GALNTL6: variants seen among roughly 807,000 people sequenced by gnomAD.
The protein encoded by GALNTL6 is polypeptide N-acetylgalactosaminyltransferase like 6, also known as polypeptide N-acetylgalactosaminyltransferase-like 6.
Under a neutral mutation model 73.7 loss-of-function variants are expected in GALNTL6, and 46 were observed. That is an observed-to-expected ratio of 0.62 (90% CI 0.49 to 0.80). GALNTL6 has a LOEUF of 0.80. Ranked by LOEUF, GALNTL6 falls within the 30% of genes least tolerant of loss-of-function variation. GALNTL6 has a pLI of 0.00. For synonymous variants in GALNTL6, 259 were observed against 263.7 expected (o/e 0.98, Z 0.17); for missense variants, 604 against 755.0 (o/e 0.80, Z 2.34).
At chr4:172,517,260 T>A (rs895243319) in intron 5 of GALNTL6, among the ~76,000 whole-genome samples, 5 of 152,182 alleles carry the variant, frequency 3.3e-5, no homozygotes, top group African/African-American at 7.2e-5. Flanking sequence ...CTGAAACCTA[T>A]TTCTGATGGC....
chr4:172,687,108 A>G (rs1268487865), intron 5 of GALNTL6, among the ~76,000 whole-genome samples: 2 of 152,178 alleles, frequency 1.3e-5, no homozygotes, highest in African/African-American at 2.4e-5. Flanking sequence ...TTCCAACTCA[A>G]TACATAAATG....
intron 5 of GALNTL6, among the ~76,000 whole-genome samples, chr4:172,451,775 G>A (rs1398081611): frequency 6.6e-6 from 1 of 152,150 alleles, no homozygotes. Flanking sequence ...GGAGGCCAAG[G>A]CTGGAGAATT....
chr4:172,827,655 C>G (rs1405078952), intron 7 of GALNTL6, among the ~76,000 whole-genome samples: 1 of 152,058 alleles, frequency 6.6e-6, no homozygotes, highest in Non-Finnish European at 1.5e-5. Context: ...AATCATTGCT[C>G]TTGCAAATGA....
intron 2 of GALNTL6, among the ~76,000 whole-genome samples, chr4:171,958,383 G>A (rs1398284194): frequency 6.6e-6 from 1 of 152,076 alleles, no homozygotes; most frequent in African/African-American, 2.4e-5. Context: ...CTAAGCTAAT[G>A]CTTTCAGGGT....
intron 7 of GALNTL6, among the ~76,000 whole-genome samples, chr4:172,877,749 A>C (rs1745265433): frequency 6.6e-6 from 1 of 151,942 alleles, no homozygotes; most frequent in Non-Finnish European, 1.5e-5. Context: ...ATCTTCAGTA[A>C]GAACCTGTTG....
At chr4:171,945,913 G>C (rs1738689758) in intron 2 of GALNTL6, among the ~76,000 whole-genome samples, 1 of 152,014 alleles carries the variant, frequency 6.6e-6, no homozygotes, top group African/African-American at 2.4e-5. Flanking sequence ...TATGAATCTT[G>C]AGGCAATCCC....
chr4:172,516,107 A>G (rs1049878548), intron 5 of GALNTL6, among the ~76,000 whole-genome samples: 1 of 152,240 alleles, frequency 6.6e-6, no homozygotes, highest in Non-Finnish European at 1.5e-5. Context: ...CTGGTAGCAC[A>G]TAATAGATTT....
intron 2 of GALNTL6, among the ~76,000 whole-genome samples, chr4:172,058,168 C>G (rs1731087380): frequency 1.1e-5 from 1 of 94,006 alleles, no homozygotes; most frequent in South Asian, 4.0e-4. Context: ...AGACCAGTGC[C>G]CAAGCTGGTC....
At chr4:172,220,342 C>T (rs1435574172) in intron 2 of GALNTL6, among the ~76,000 whole-genome samples, 24 of 151,696 alleles carry the variant, frequency 1.6e-4, no homozygotes, top group Admixed American at 1.6e-3. Flanking sequence ...CTCAGAACTG[C>T]TATTTCTTTT....
intron 2 of GALNTL6, among the ~76,000 whole-genome samples, chr4:172,026,079 A>C (rs13152598): frequency 6.6e-6 from 1 of 151,962 alleles, no homozygotes; most frequent in Non-Finnish European, 1.5e-5. Context: ...TAAAAGCAAT[A>C]TTCAAAATTA....
intron 10 of GALNTL6, among the ~76,000 whole-genome samples, chr4:172,980,057 C>G (rs1750999287): frequency 6.6e-6 from 1 of 152,186 alleles, no homozygotes; most frequent in Non-Finnish European, 1.5e-5. Flanking sequence ...AGAGTCAGCT[C>G]TAAATATACT....
chr4:171,910,651 A>G (rs1737450675), intron 2 of GALNTL6, among the ~76,000 whole-genome samples: 1 of 152,130 alleles, frequency 6.6e-6, no homozygotes, highest in Non-Finnish European at 1.5e-5. Flanking sequence ...TCGCCATTTT[A>G]TAGATTTTGA....
At chr4:172,088,082 C>T (rs1732101032) in intron 2 of GALNTL6, among the ~76,000 whole-genome samples, 1 of 152,032 alleles carries the variant, frequency 6.6e-6, no homozygotes, top group African/African-American at 2.4e-5. Flanking sequence ...TGAATCCTAC[C>T]TAATTGCCCA....
chr4:171,883,123 G>A (rs1736500600), intron 2 of GALNTL6, among the ~76,000 whole-genome samples: 1 of 152,064 alleles, frequency 6.6e-6, no homozygotes, highest in African/African-American at 2.4e-5. Flanking sequence ...GGCCAAGGCA[G>A]GTATATTACC....
At chr4:172,154,157 GTT>G (rs150388060) in intron 2 of GALNTL6, among the ~76,000 whole-genome samples, 1 of 137,808 alleles carries the variant, frequency 7.3e-6, no homozygotes, top group Admixed American at 7.2e-5. Flanking sequence ...AATCACATGA[GTT>G]TTTTTTTTTT....
In GALNTL6 at chr4:172,175,561, T is replaced by A. The variant is rs1404647156; in HGVS notation, c.139-54095T>A. ...TATGTCCAGATTACAAGTATCCTAG[T>A]TTGGCTGAACCATAAGTGATTTTGG... On this transcript the variant is annotated intron_variant, in intron 2 of 12. Transcript: ENST00000506823. Among the ~76,000 whole-genome samples, 6 of 152,336 alleles carry A rather than the reference T, an allele frequency of 3.9e-5. No individual in the cohort carries two copies. The East Asian group carries it at 9.6e-4, about 24-fold the overall frequency.
chr4:172,670,123 T>C (rs1731892101), intron 5 of GALNTL6, among the ~76,000 whole-genome samples: 1 of 152,242 alleles, frequency 6.6e-6, no homozygotes, highest in Admixed American at 6.5e-5. Context: ...AGTGCTGAAA[T>C]GAACATATGC....
At chr4:172,147,131 ATATT>A (rs1473640924) in intron 2 of GALNTL6, among the ~76,000 whole-genome samples, 1 of 152,130 alleles carries the variant, frequency 6.6e-6, no homozygotes, top group Non-Finnish European at 1.5e-5. Context: ...TCATTAATAT[ATATT>A]TGTTACTGTC....
At chr4:172,370,059 T>C (rs910316189) in intron 5 of GALNTL6, among the ~76,000 whole-genome samples, 4 of 152,092 alleles carry the variant, frequency 2.6e-5, no homozygotes, top group African/African-American at 9.7e-5. Flanking sequence ...CCAACTGCTG[T>C]TGGGAATTTG....
Sources: allele counts gnomAD v4.1 joint callset (sites outside exome capture counted in the v4.1 genomes callset), GRCh38; gene constraint gnomAD v4.1.1; transcripts MANE v1.5; gene names NCBI Gene and HGNC (gene_info 2026-07-23, HGNC 2026-07-21).